Variants in LRP1B observed in about 807,000 individuals in gnomAD.
LRP1B encodes LDL receptor related protein 1B, also known as low-density lipoprotein receptor-related protein 1B.
LRP1B carries 217 observed loss-of-function variants against 556.6 expected under a neutral mutation model. The observed-to-expected ratio is 0.39, with a 90% confidence interval of 0.35 to 0.44. The LOEUF (loss-of-function observed/expected upper bound fraction) is 0.44, where lower values mean the gene tolerates loss of function less well. Among genes scored for constraint, LRP1B ranks in the 20% least tolerant of loss-of-function variants. The probability of loss-of-function intolerance (pLI) is 1.00; values close to 1 mark genes in which losing one functional copy is unlikely to be tolerated. For synonymous variants in LRP1B, 2,047 were observed against 1,865.8 expected (o/e 1.10, Z -2.50); for missense variants, 5,053 against 5,620.8 (o/e 0.90, Z 3.23).
At chr2:141,800,315 C>G (rs935248902) in intron 2 of LRP1B, among the ~76,000 whole-genome samples, 3 of 152,192 alleles carry the variant, frequency 2.0e-5, no homozygotes. Flanking sequence ...GTATAGCATG[C>G]TGCAGTGTTC....
intron 41 of LRP1B, among the ~76,000 whole-genome samples, chr2:140,679,702 T>G (rs960210096): frequency 6.6e-6 from 1 of 152,106 alleles, no homozygotes; most frequent in Non-Finnish European, 1.5e-5. Context: ...GGTAAATACG[T>G]AAGTTAAACA....
chr2:140,308,892 A>G (rs1268002563), intron 83 of LRP1B, among the ~76,000 whole-genome samples: 1 of 151,796 alleles, frequency 6.6e-6, no homozygotes, highest in Non-Finnish European at 1.5e-5. Context: ...TATAGCACAG[A>G]CATCATAAAC....
At chr2:141,409,470 G>A (rs746383841) in intron 3 of LRP1B, among the ~76,000 whole-genome samples, 2 of 152,148 alleles carry the variant, frequency 1.3e-5, no homozygotes, top group South Asian at 4.1e-4. Context: ...CATAAGAGAC[G>A]TTCAATACGA....
intron 4 of LRP1B, 54 bp downstream of exon 4, chr2:141,254,468 C>A: frequency 6.3e-7 from 1 of 1,576,852 alleles, no homozygotes; most frequent in Non-Finnish European, 8.7e-7. Flanking sequence ...GCTTACATTT[C>A]TGTTAACTAA....
intron 84 of LRP1B, among the ~76,000 whole-genome samples, chr2:140,276,825 T>C (rs576867132): frequency 6.6e-6 from 1 of 152,042 alleles, no homozygotes; most frequent in Admixed American, 6.6e-5. Flanking sequence ...GGGAACTTAT[T>C]TGCAGATGAA....
rs191271350 is a variant in LRP1B, at chr2:140,435,028, C to T, written c.10414+7476G>A. Among the ~76,000 whole-genome samples the T allele has an allele frequency of 1.7e-4, 26 of 152,134 alleles. No individual in the cohort carries two copies. In the East Asian group the frequency reaches 4.8e-3, roughly 28 times the overall value. Reference sequence around the variant, plus strand: ...CTTATTTTTGATCACTAACACAAAGCATAATCAATCATATAGGCATGGTAC... The same window carrying T: ...CTTATTTTTGATCACTAACACAAAGTATAATCAATCATATAGGCATGGTAC... On this transcript the variant is annotated intron_variant, in intron 66 of 90. Coordinates refer to ENST00000389484, the MANE Select transcript of LRP1B (RefSeq NM_018557.3).
chr2:141,041,961 C>T (rs754917528), intron 11 of LRP1B, among the ~76,000 whole-genome samples: 11 of 151,948 alleles, frequency 7.2e-5, no homozygotes, highest in South Asian at 6.2e-4. Flanking sequence ...CTTTTCCATA[C>T]GAGGTAAGAA....
At chr2:142,087,211 C>G (rs4662373) in intron 1 of LRP1B, among the ~76,000 whole-genome samples, 65,664 of 151,940 alleles carry the variant, frequency 0.43, 16,048 homozygotes, top group East Asian at 0.69. Flanking sequence ...TTATCCCAGA[C>G]ACTGTCTTCT....
At chr2:140,975,733 C>T (rs1445794521) in intron 18 of LRP1B, among the ~76,000 whole-genome samples, 1 of 152,078 alleles carries the variant, frequency 6.6e-6, no homozygotes, top group African/African-American at 2.4e-5. Flanking sequence ...TACTACTCCT[C>T]ATTATATGGT....
At chr2:141,236,654 A>G (rs1422310513) in intron 5 of LRP1B, among the ~76,000 whole-genome samples, 1 of 152,232 alleles carries the variant, frequency 6.6e-6, no homozygotes, top group African/African-American at 2.4e-5. Flanking sequence ...AATTCATGTC[A>G]GAAGTATAAT....
At chr2:140,835,845 C>T (rs967237904) in intron 31 of LRP1B, among the ~76,000 whole-genome samples, 3 of 152,260 alleles carry the variant, frequency 2.0e-5, no homozygotes, top group Middle Eastern at 6.8e-3. Context: ...GGCCACATGC[C>T]TATTTTTAGA....
chr2:140,646,543 C>T (rs1014136061), intron 41 of LRP1B, among the ~76,000 whole-genome samples: 2 of 152,148 alleles, frequency 1.3e-5, no homozygotes, highest in Non-Finnish European at 1.5e-5. Flanking sequence ...CCAGTCTATG[C>T]ACTTTTTTAT....
chr2:140,579,959 C>T (rs1681695642), intron 43 of LRP1B, among the ~76,000 whole-genome samples: 2 of 152,100 alleles, frequency 1.3e-5, no homozygotes, highest in African/African-American at 2.4e-5. Flanking sequence ...GATGGCTGAC[C>T]GTATCCTATA....
At chr2:141,226,019 G>T (rs915568798) in intron 6 of LRP1B, among the ~76,000 whole-genome samples, 1 of 151,944 alleles carries the variant, frequency 6.6e-6, no homozygotes, top group African/African-American at 2.4e-5. Flanking sequence ...AGACCTACGG[G>T]CAGAGCGGTA....
intron 3 of LRP1B, among the ~76,000 whole-genome samples, chr2:141,464,606 A>ATTTTTTTTTTTTTTTT (rs71391651): frequency 2.2e-5 from 2 of 90,532 alleles, no homozygotes; most frequent in Non-Finnish European, 4.4e-5. Context: ...ATATATATAT[A>ATTTTTTTTTTTTTTTT]TTTTTTTAGT....
At chr2:141,983,256 C>A (rs1043316498) in intron 1 of LRP1B, among the ~76,000 whole-genome samples, 2 of 152,104 alleles carry the variant, frequency 1.3e-5, no homozygotes, top group Non-Finnish European at 2.9e-5. Context: ...TTTCCCCTTT[C>A]TCTGCTACTC....
At chr2:140,632,073 A>G (rs1683906896) in intron 41 of LRP1B, among the ~76,000 whole-genome samples, 2 of 152,198 alleles carry the variant, frequency 1.3e-5, no homozygotes, top group South Asian at 4.1e-4. Flanking sequence ...AAATTGAAGA[A>G]TAAATAAAAA....
intron 20 of LRP1B, among the ~76,000 whole-genome samples, chr2:140,941,704 C>T (rs1165797937): frequency 6.6e-6 from 1 of 152,114 alleles, no homozygotes; most frequent in African/African-American, 2.4e-5. Flanking sequence ...CCTCTGAAAG[C>T]ACCTGCAAAT....
At chr2:141,113,385 T>C (rs2104973143) in intron 7 of LRP1B, among the ~76,000 whole-genome samples, 1 of 152,296 alleles carries the variant, frequency 6.6e-6, no homozygotes, top group South Asian at 2.1e-4. Flanking sequence ...GTGACTTGCC[T>C]TAAAACAAGA....
Sources: allele counts gnomAD v4.1 joint callset (sites outside exome capture counted in the v4.1 genomes callset), GRCh38; gene constraint gnomAD v4.1.1; transcripts MANE v1.5; gene names NCBI Gene and HGNC (gene_info 2026-07-23, HGNC 2026-07-21).